Variants in PTAR1 observed in about 807,000 individuals in gnomAD.
PTAR1 encodes protein prenyltransferase alpha subunit repeat containing 1, also known as protein prenyltransferase alpha subunit repeat-containing protein 1.
In PTAR1, 17 loss-of-function variants were observed where a neutral mutation model predicts 45.5. The ratio of observed to expected loss-of-function variants is 0.37; its 90% CI spans 0.26 to 0.56. The LOEUF (loss-of-function observed/expected upper bound fraction) is 0.56, where lower values mean the gene tolerates loss of function less well. PTAR1 is among the 20% of genes least tolerant of loss of function. PTAR1 has a pLI of 0.77. For missense variants in PTAR1, 391 were observed against 476.3 expected (o/e 0.82, Z 1.67); for synonymous variants, 169 against 171.3 (o/e 0.99, Z 0.11).
At chr9:69,729,977 T>C (rs964321418) in intron 5 of PTAR1, among the ~76,000 whole-genome samples, 5 of 152,214 alleles carry the variant, frequency 3.3e-5, no homozygotes, top group African/African-American at 1.2e-4. Flanking sequence ...TTCAATTTCC[T>C]AAGTTAAAAA....
rs755835716 is a variant in PTAR1 at position 69,759,913 on chromosome 9, G to A, written c.26C>T (p.Ala9Val). The A allele has an allele frequency of 2.2e-5, 33 of 1,522,822 alleles. 1 individual carries two copies. Among genetic ancestry groups the A allele is most frequent in the South Asian group, 2.1e-4 (17 of 81,400 alleles). 94.3% of individuals were successfully genotyped at this position (1,522,822 alleles called of 1,614,324 possible). A position where few individuals can be genotyped will look rare whatever the true frequency, so the allele number is the denominator to read the frequency against. The change falls in exon 1 of 8, where the codon GCG becomes GTG. Residue 9 changes from alanine (A) to valine (V), a missense_variant. By Grantham distance (64) the Ala-to-Val change is moderately conservative. This residue lies in a region of PTAR1 where 152 missense variants were observed against 160.0 expected (regional missense o/e 0.95). Coordinates refer to ENST00000340434, the MANE Select transcript of PTAR1 (RefSeq NM_001099666.2). ...CTTCACAACCCGCTGCACCAGCACC[G>A]CCACCTCCTCGCTGGTCTCGGCCAT... MAETSEEV[A>V]VLVQRVVKDI...
intron 2 of PTAR1, among the ~76,000 whole-genome samples, chr9:69,749,443 A>T (rs1271116731): frequency 6.6e-6 from 1 of 152,142 alleles, no homozygotes; most frequent in African/African-American, 2.4e-5. Flanking sequence ...ACGGTGATGG[A>T]ATGCAGAATT....
chr9:69,754,842 CT>C (rs1826700040), intron 1 of PTAR1, among the ~76,000 whole-genome samples: 1 of 151,868 alleles, frequency 6.6e-6, no homozygotes, highest in African/African-American at 2.4e-5. Flanking sequence ...GTGTGAGTCA[CT>C]GTGCCCAGCT....
At chr9:69,724,346 A>T (rs1267037961) in intron 5 of PTAR1, among the ~76,000 whole-genome samples, 4 of 152,240 alleles carry the variant, frequency 2.6e-5, no homozygotes, top group African/African-American at 9.6e-5. Flanking sequence ...ATTTCAAATG[A>T]AATGATTTTT....
At chr9:69,742,995 T>A (rs1826109711) in intron 2 of PTAR1, among the ~76,000 whole-genome samples, 1 of 152,110 alleles carries the variant, frequency 6.6e-6, no homozygotes, top group African/African-American at 2.4e-5. Context: ...ATTTTAGGAT[T>A]AAGGTTATCT....
chr9:69,748,109 A>G (rs929771999), intron 2 of PTAR1, among the ~76,000 whole-genome samples: 11 of 152,178 alleles, frequency 7.2e-5, no homozygotes, highest in African/African-American at 2.7e-4. Context: ...AGGTAATAAC[A>G]TTTGTCTGGA....
Position 69,718,420 on chromosome 9 carries a change from T to C in PTAR1, c.1131A>G (p.Val377=). The stretch of plus-strand genomic sequence containing the variant: ...GCTCCACGTTCCGACAGGTGGACAA[T>C]ACTTGATCAATGAACCTGTGCTCCA... The part of the protein sequence containing the change: ...LEMEHRFIDQ[V]LSTCRNVEQA... Residue 377 remains valine, a synonymous_variant, in exon 8 of 8, where the codon GTA becomes GTG. Transcript: ENST00000340434. 1.9e-6 allele frequency: 3 copies of C among 1,613,650 alleles called. No individual in the cohort carries two copies. The highest frequency in any genetic ancestry group is 1.7e-6 in the Non-Finnish European group (2 of 1,179,694).
chr9:69,712,137 T>C lies in PTAR1; in HGVS notation c.*6205A>G, dbSNP rs561190454. Reference sequence around the variant, plus strand: ...ACCTCAAATTTATTACCTATCACCTTATAATGATAAATAAGCAATCTAAAG... The same window carrying C: ...ACCTCAAATTTATTACCTATCACCTCATAATGATAAATAAGCAATCTAAAG... On this transcript the variant is annotated 3_prime_UTR_variant, in exon 8 of 8. Coordinates refer to ENST00000340434, the MANE Select transcript of PTAR1 (RefSeq NM_001099666.2). The C allele has an allele frequency of 2.2e-4, 33 of 152,268 alleles. No individual in the cohort carries two copies. The highest frequency in any genetic ancestry group is 7.7e-4 in the African/African-American group (32 of 41,568). 9.4% of individuals were successfully genotyped at this position (152,268 alleles called of 1,614,324 possible).
Position 69,711,310 on chromosome 9 carries a change from G to A in PTAR1, c.*7032C>T, listed in dbSNP as rs1316942202. On this transcript the variant is annotated 3_prime_UTR_variant, in exon 8 of 8. Transcript: ENST00000340434. ...CAGGAGGCAATGCCTAATTACATTT[G>A]TACTATACACTCTGTTCCTCACAGT... is the stretch of plus-strand genomic sequence containing the variant. 6.6e-6 allele frequency: 1 copy of A among 152,110 alleles called. No homozygotes were observed. The highest frequency in any genetic ancestry group is 1.5e-5 in the Non-Finnish European group (1 of 68,012). The allele number at this position is 152,110 out of a possible 1,614,324, so 9.4% of individuals were successfully genotyped here.
intron 5 of PTAR1, among the ~76,000 whole-genome samples, 153 bp from the exon 6 acceptor site, chr9:69,723,783 T>C (rs188553803): frequency 6.6e-6 from 1 of 152,346 alleles, no homozygotes; most frequent in East Asian, 1.9e-4. Flanking sequence ...GTGCTCTCAC[T>C]TAGTGGAAGC....
At chr9:69,739,013 G>A (rs549248526) in intron 3 of PTAR1, among the ~76,000 whole-genome samples, 34 of 152,024 alleles carry the variant, frequency 2.2e-4, no homozygotes, top group Middle Eastern at 3.4e-3. Flanking sequence ...TCACCATATT[G>A]GCCAGGATGG....
At chr9:69,718,909 G>C (rs1283458502) in intron 6 of PTAR1, among the ~76,000 whole-genome samples, 1 of 152,172 alleles carries the variant, frequency 6.6e-6, no homozygotes, top group Non-Finnish European at 1.5e-5. Flanking sequence ...TTGTGAGAAA[G>C]AATACAGTCC....
chr9:69,737,391 A>C (rs989101762), intron 3 of PTAR1, among the ~76,000 whole-genome samples: 1 of 152,164 alleles, frequency 6.6e-6, no homozygotes, highest in African/African-American at 2.4e-5. Context: ...TTAGAGCTAC[A>C]TTTTAAAAAA....
At chr9:69,748,334 T>C (rs1018813521) in intron 2 of PTAR1, among the ~76,000 whole-genome samples, 1 of 151,884 alleles carries the variant, frequency 6.6e-6, no homozygotes. Flanking sequence ...ATATCTGTTA[T>C]GGATTTCTCA....
At chr9:69,759,402 G>A (rs910529821) in intron 1 of PTAR1, among the ~76,000 whole-genome samples, 1 of 152,092 alleles carries the variant, frequency 6.6e-6, no homozygotes, top group Non-Finnish European at 1.5e-5. Flanking sequence ...TAAACTGAGG[G>A]GTTTGAGGCT....
intron 4 of PTAR1, among the ~76,000 whole-genome samples, chr9:69,732,668 A>C (rs1825595359): frequency 6.6e-6 from 1 of 152,088 alleles, no homozygotes; most frequent in South Asian, 2.1e-4. Context: ...TGTAAAGGCA[A>C]TTGGTGTGTG....
chr9:69,709,908 G>C lies in PTAR1; in HGVS notation c.*8434C>G, dbSNP rs10867936. The stretch of plus-strand genomic sequence containing the variant: ...CGCAACTTAAAAATTTGTTAATGTA[G>C]TATAATCAGCATATCATGGTATTTT... On this transcript the variant is annotated 3_prime_UTR_variant, in exon 8 of 8. Coordinates refer to ENST00000340434, the MANE Select transcript of PTAR1 (RefSeq NM_001099666.2). 1 of 151,920 alleles carries C rather than the reference G, an allele frequency of 6.6e-6. No homozygotes were observed. The highest frequency in any genetic ancestry group is 6.6e-5 in the Admixed American group (1 of 15,258). The allele number at this position is 151,920 out of a possible 1,614,324, so 9.4% of individuals were successfully genotyped here.
intron 2 of PTAR1, among the ~76,000 whole-genome samples, chr9:69,744,399 T>C (rs1340919476): frequency 7.7e-6 from 1 of 129,750 alleles, no homozygotes; most frequent in Non-Finnish European, 1.7e-5. Flanking sequence ...TTTTTTTTTT[T>C]CTCTGAGACG....
At chr9:69,737,349 G>A (rs969112464) in intron 3 of PTAR1, among the ~76,000 whole-genome samples, 1 of 152,096 alleles carries the variant, frequency 6.6e-6, no homozygotes, top group African/African-American at 2.4e-5. Flanking sequence ...CCAAAGTGCT[G>A]GGATTACAGG....
Sources: gnomAD v4.1 joint callset for allele counts (sites outside exome capture counted in the v4.1 genomes callset) on GRCh38, gnomAD v4.1.1 for gene constraint, gnomAD v4.1.1 regional missense constraint, MANE v1.5 for transcripts, NCBI Gene and HGNC (gene_info 2026-07-23, HGNC 2026-07-21) for gene names.